ASB3: variants seen among roughly 807,000 people sequenced by gnomAD.
ASB3 encodes the protein ankyrin repeat and SOCS box containing 3, also known as ankyrin repeat and SOCS box protein 3.
ASB3 carries 41 observed loss-of-function variants against 54.5 expected under a neutral mutation model. The ratio of observed to expected loss-of-function variants is 0.75; its 90% CI spans 0.59 to 0.98. ASB3 has a LOEUF of 0.98. Ranked by LOEUF, ASB3 falls within the 50% of genes least tolerant of loss-of-function variation. ASB3 has a pLI of 0.00. For synonymous variants in ASB3, 266 were observed against 221.2 expected, an observed-to-expected ratio of 1.20 and a Z score of -1.80; for missense variants, 733 against 620.0, an observed-to-expected ratio of 1.18 and a Z score of -1.94.
chr2:53,734,607 C>T (rs1313522907), intron 3 of ASB3, among the ~76,000 whole-genome samples: 2 of 152,204 alleles, frequency 1.3e-5, no homozygotes, highest in Admixed American at 6.5e-5. Flanking sequence ...TAATCAATAA[C>T]TATCATGCAA....
At chr2:53,758,883 C>T (rs1371273681) in intron 2 of ASB3, among the ~76,000 whole-genome samples, 1 of 152,162 alleles carries the variant, frequency 6.6e-6, no homozygotes, top group Non-Finnish European at 1.5e-5. Flanking sequence ...CTGGAGAATT[C>T]GGCCCAGAGT....
intron 4 of ASB3, among the ~76,000 whole-genome samples, 174 bp from the exon 5 acceptor site, chr2:53,729,021 A>G (rs1038838764): frequency 3.9e-5 from 6 of 152,148 alleles, no homozygotes; most frequent in African/African-American, 1.4e-4. Context: ...AAACGATCAG[A>G]TTATCCTATA....
chr2:53,670,681 G>A lies in ASB3; in HGVS notation c.1379C>T (p.Pro460Leu), dbSNP rs1257234720. The change falls in exon 10 of 10, where the codon CCA (proline) becomes CTA (leucine). Residue 460 changes from proline (P) to leucine (L), a missense_variant. Coordinates refer to ENST00000263634, the MANE Select transcript of ASB3 (RefSeq NM_016115.5). ...CAAACGACAAAGATGGGTCAGGGATGGAACAGTGGCTGGAGAAACAAAAAA... is the reference window on the plus strand; with the variant it reads ...CAAACGACAAAGATGGGTCAGGGATAGAACAGTGGCTGGAGAAACAAAAAA... ...WILQQHIATV[P>L]SLTHLCRLEI... The A allele has an allele frequency of 1.2e-6, 2 of 1,608,336 alleles. No individual in the cohort carries two copies. Among genetic ancestry groups the A allele is most frequent in the South Asian group, 2.2e-5 (2 of 90,358 alleles).
At chr2:53,684,834 A>G (rs374327795) in intron 9 of ASB3, among the ~76,000 whole-genome samples, 1 of 152,212 alleles carries the variant, frequency 6.6e-6, no homozygotes, top group Non-Finnish European at 1.5e-5. Context: ...AATATGTAAA[A>G]GAGAGAGGAA....
chr2:53,700,561 G>A lies in ASB3; in HGVS notation c.981-33C>T, dbSNP rs187926391. 2.0e-5 allele frequency: 31 copies of A among 1,571,778 alleles called. 1 individual carries two copies. In the Middle Eastern group the frequency reaches 1.4e-3, roughly 70 times the overall value. On this transcript the variant is annotated intron_variant, in intron 7 of 9. Transcript: ENST00000263634. ...ATAAAAAATAAAAACAAAAAAAGAA[G>A]AAGTTAGACTTTGACATAAGATACT...
intron 9 of ASB3, among the ~76,000 whole-genome samples, chr2:53,672,086 C>T (rs144013624): frequency 1.3e-5 from 2 of 152,266 alleles, no homozygotes; most frequent in Admixed American, 6.5e-5. Context: ...TAGAAGTTAA[C>T]TCATCATCGT....
At chr2:53,754,296 C>G (rs921445474) in intron 2 of ASB3, among the ~76,000 whole-genome samples, 4 of 151,956 alleles carry the variant, frequency 2.6e-5, no homozygotes, top group African/African-American at 9.7e-5. Context: ...TAGAAGAATT[C>G]CAAATAATTT....
At chr2:53,721,852 A>T (rs931988437) in intron 5 of ASB3, among the ~76,000 whole-genome samples, 2 of 152,150 alleles carry the variant, frequency 1.3e-5, no homozygotes, top group African/African-American at 4.8e-5. Context: ...TCAGAGTGGA[A>T]CTGAATGAAA....
intron 1 of ASB3, chr2:53,774,179 GA>G (rs1432469791): frequency 6.2e-7 from 1 of 1,612,264 alleles, no homozygotes; most frequent in East Asian, 2.2e-5. Context: ...TTGCCAGTAG[GA>G]AAGGAAGAAG....
chr2:53,748,456 G>T (rs1007023640), intron 3 of ASB3: 3 of 152,134 alleles, frequency 2.0e-5, no homozygotes, highest in Non-Finnish European at 2.9e-5. Context: ...ACTCCTCTAG[G>T]AAACCCAAGC....
chr2:53,727,425 A>C (rs1367219901), intron 5 of ASB3, among the ~76,000 whole-genome samples: 4 of 152,132 alleles, frequency 2.6e-5, no homozygotes, highest in Non-Finnish European at 5.9e-5. Flanking sequence ...AGGCTGAGGC[A>C]GGAGGATCAC....
chr2:53,738,187 G>T (rs1247947026), intron 3 of ASB3, among the ~76,000 whole-genome samples: 2 of 152,210 alleles, frequency 1.3e-5, no homozygotes, highest in Admixed American at 6.5e-5. Flanking sequence ...AAATTCAGTT[G>T]TGACTTTTAC....
At chr2:53,729,407 G>C in intron 4 of ASB3, 51 bp downstream of exon 4, 2 of 1,587,072 alleles carry the variant, frequency 1.3e-6, no homozygotes, top group Non-Finnish European at 1.7e-6. Flanking sequence ...CATTTTAAGA[G>C]GGTAAAACAC....
At chr2:53,772,213 C>T (rs888273341) in intron 1 of ASB3, among the ~76,000 whole-genome samples, 1 of 151,974 alleles carries the variant, frequency 6.6e-6, no homozygotes, top group Non-Finnish European at 1.5e-5. Context: ...CTAGCTCTGT[C>T]GCCCAGGCTG....
chr2:53,706,208 G>A (rs556863103), intron 7 of ASB3, among the ~76,000 whole-genome samples: 2 of 152,122 alleles, frequency 1.3e-5, no homozygotes, highest in South Asian at 4.1e-4. Flanking sequence ...ACTCATCCAA[G>A]CCCAAGAATC....
intron 9 of ASB3, among the ~76,000 whole-genome samples, 180 bp from the exon 10 acceptor site, chr2:53,670,870 A>T (rs1463106070): frequency 6.6e-6 from 1 of 152,212 alleles, no homozygotes; most frequent in African/African-American, 2.4e-5. Flanking sequence ...ACAGCCTTCA[A>T]CTGGCTCCTC....
intron 7 of ASB3, 34 bp downstream of exon 7, chr2:53,714,350 G>T: frequency 6.2e-7 from 1 of 1,605,712 alleles, no homozygotes; most frequent in South Asian, 1.1e-5. Context: ...CAGCAAAAAA[G>T]AATAAAAAAT....
chr2:53,673,337 G>C (rs1010333280), intron 9 of ASB3, among the ~76,000 whole-genome samples: 3 of 152,116 alleles, frequency 2.0e-5, no homozygotes, highest in African/African-American at 7.2e-5. Context: ...TGGAGATAAG[G>C]GATCCTTAAT....
chr2:53,781,842 A>G (rs1418869119), intron 1 of ASB3, among the ~76,000 whole-genome samples: 1 of 152,240 alleles, frequency 6.6e-6, no homozygotes, highest in African/African-American at 2.4e-5. Context: ...TTTTTAAAAC[A>G]GGATTTAAAA....
Sources: allele counts gnomAD v4.1 joint callset (sites outside exome capture counted in the v4.1 genomes callset), GRCh38; gene constraint gnomAD v4.1.1; transcripts MANE v1.5; gene names NCBI Gene and HGNC (gene_info 2026-07-23, HGNC 2026-07-21).